The following GRM8 variants were observed in gnomAD, a reference collection of about 807,000 sequenced individuals.
GRM8 encodes the protein glutamate metabotropic receptor 8.
Under a neutral mutation model 87.2 loss-of-function variants are expected in GRM8, and 47 were observed. The observed-to-expected ratio is 0.54, with a 90% CI of 0.43 to 0.69. GRM8 has a LOEUF of 0.69. Among genes scored for constraint, GRM8 ranks in the 30% least tolerant of loss-of-function variants. GRM8 has a pLI of 0.00. For synonymous variants in GRM8, 396 were observed against 404.5 expected (o/e 0.98, Z 0.25); for missense variants, 1,019 against 1,139.2 (o/e 0.89, Z 1.52).
At chr7:126,822,586 T>G (rs1794392492) in intron 6 of GRM8, among the ~76,000 whole-genome samples, 1 of 151,896 alleles carries the variant, frequency 6.6e-6, no homozygotes, top group African/African-American at 2.4e-5. Context: ...AGAGATGGGA[T>G]CTCACTATGT....
chr7:127,051,912 G>C (rs1819532759), intron 3 of GRM8, among the ~76,000 whole-genome samples: 1 of 152,114 alleles, frequency 6.6e-6, no homozygotes. Flanking sequence ...CCTTAGGAAA[G>C]AGGAAGAAGG....
intron 3 of GRM8, among the ~76,000 whole-genome samples, chr7:126,930,539 G>A (rs1805657312): frequency 6.6e-6 from 1 of 152,080 alleles, no homozygotes; most frequent in Admixed American, 6.5e-5. Flanking sequence ...TCTAGACAAG[G>A]GAAAGCACAA....
chr7:126,976,878 G>A (rs1811040326), intron 3 of GRM8, among the ~76,000 whole-genome samples: 1 of 147,626 alleles, frequency 6.8e-6, no homozygotes, highest in Non-Finnish European at 1.5e-5. Flanking sequence ...GAGATGACAG[G>A]GGGTTGGGGT....
At position 126,638,246 on chromosome 7, in the gene GRM8, T is replaced by C. The variant is rs146693009; in HGVS notation, c.1358-28748A>G. On this transcript the variant is annotated intron_variant, in intron 7 of 10. Transcript: ENST00000339582. ...TTAATAACACTTCTTCTTTCCCTCA[T>C]TGTGTTTCTAGAAAGAGCCAACTCT... is the stretch of plus-strand genomic sequence containing the variant. Among the ~76,000 whole-genome samples, 785 of 152,286 alleles carry C rather than the reference T, an allele frequency of 5.2e-3. 7 individuals carry two copies. Among genetic ancestry groups the C allele is most frequent in the African/African-American group, 0.018 (748 of 41,572 alleles).
At chr7:127,041,275 G>A (rs1818405095) in intron 3 of GRM8, among the ~76,000 whole-genome samples, 1 of 152,196 alleles carries the variant, frequency 6.6e-6, no homozygotes, top group Non-Finnish European at 1.5e-5. Context: ...CTGTAGGAGA[G>A]AGGAGGCTGA....
intron 6 of GRM8, among the ~76,000 whole-genome samples, chr7:126,885,888 G>A (rs1188584034): frequency 6.6e-6 from 1 of 152,024 alleles, no homozygotes; most frequent in East Asian, 1.9e-4. Flanking sequence ...CCAAAGGCCA[G>A]TTTTTTTCCC....
chr7:126,684,072 A>G (rs945207942), intron 7 of GRM8, among the ~76,000 whole-genome samples: 2 of 152,224 alleles, frequency 1.3e-5, no homozygotes, highest in Admixed American at 1.3e-4. Flanking sequence ...AGGGAAGGTG[A>G]GCAGGAAGGA....
intron 8 of GRM8, among the ~76,000 whole-genome samples, chr7:126,589,926 T>C (rs1796521539): frequency 6.6e-6 from 1 of 151,988 alleles, no homozygotes; most frequent in South Asian, 2.1e-4. Context: ...TACACAAATG[T>C]AAAAGAACCA....
intron 2 of GRM8, among the ~76,000 whole-genome samples, chr7:127,170,831 G>A (rs142771233): frequency 0.032 from 4,864 of 152,096 alleles, 271 homozygotes; most frequent in African/African-American, 0.11. Flanking sequence ...CGGACTTTGG[G>A]GACTCAGGGG....
chr7:126,456,304 T>C (rs996835602), intron 9 of GRM8, among the ~76,000 whole-genome samples: 2 of 151,350 alleles, frequency 1.3e-5, no homozygotes, highest in African/African-American at 4.8e-5. Context: ...CCAGGTAACG[T>C]ACTGATTCTA....
intron 6 of GRM8, among the ~76,000 whole-genome samples, chr7:126,807,898 A>G (rs772251830): frequency 2.0e-5 from 3 of 152,172 alleles, no homozygotes; most frequent in Non-Finnish European, 4.4e-5. Context: ...ATGACAACTT[A>G]AATGTATGTT....
intron 7 of GRM8, among the ~76,000 whole-genome samples, chr7:126,630,924 C>A (rs985835010): frequency 2.3e-4 from 35 of 152,072 alleles, no homozygotes; most frequent in Admixed American, 2.3e-3. Context: ...CAGCCAATAT[C>A]ATATTGAATG....
intron 2 of GRM8, among the ~76,000 whole-genome samples, chr7:127,131,821 C>T (rs1827706124): frequency 6.6e-6 from 1 of 152,050 alleles, no homozygotes; most frequent in Admixed American, 6.6e-5. Flanking sequence ...TATAATTTAA[C>T]ATTTCCTCTT....
chr7:127,226,267 A>G (rs1797315396), intron 2 of GRM8, among the ~76,000 whole-genome samples: 1 of 152,190 alleles, frequency 6.6e-6, no homozygotes, highest in African/African-American at 2.4e-5. Context: ...ATGATATAAC[A>G]AAGAGAAGGC....
At chr7:127,230,270 C>T (rs1367397916) in intron 2 of GRM8, among the ~76,000 whole-genome samples, 8 of 152,068 alleles carry the variant, frequency 5.3e-5, no homozygotes, top group Non-Finnish European at 7.4e-5. Context: ...GCACTCCAAC[C>T]TTCCCCATTT....
At chr7:126,930,688 A>C (rs1586499389) in intron 3 of GRM8, among the ~76,000 whole-genome samples, 1 of 152,242 alleles carries the variant, frequency 6.6e-6, no homozygotes, top group Admixed American at 6.5e-5. Context: ...AATGGGTTAC[A>C]AAACATAGTT....
chr7:127,028,137 A>C (rs1404164532), intron 3 of GRM8, among the ~76,000 whole-genome samples: 2 of 152,186 alleles, frequency 1.3e-5, no homozygotes, highest in Non-Finnish European at 2.9e-5. Context: ...ATGTTTATTG[A>C]TTTTTGAATG....
intron 3 of GRM8, among the ~76,000 whole-genome samples, chr7:127,025,311 T>C (rs904190917): frequency 6.6e-6 from 1 of 152,048 alleles, no homozygotes; most frequent in Non-Finnish European, 1.5e-5. Context: ...TTCTTACTCT[T>C]CTTTCCTCAG....
chr7:127,125,598 C>T (rs1352233046), intron 2 of GRM8, among the ~76,000 whole-genome samples: 1 of 151,718 alleles, frequency 6.6e-6, no homozygotes, highest in African/African-American at 2.4e-5. Flanking sequence ...GCACAAGAAA[C>T]CAAAACAAAA....
Sources: allele counts gnomAD v4.1 joint callset (sites outside exome capture counted in the v4.1 genomes callset), GRCh38; gene constraint gnomAD v4.1.1; transcripts MANE v1.5; gene names NCBI Gene and HGNC (gene_info 2026-07-23, HGNC 2026-07-21).